Variants in PRIM2 observed in about 807,000 individuals in gnomAD.
PRIM2 encodes DNA primase large subunit.
PRIM2 carries 39 observed loss-of-function variants against 67.3 expected under a neutral mutation model. The ratio of observed to expected loss-of-function variants is 0.58; its 90% CI spans 0.45 to 0.76. The LOEUF is 0.76. Among genes scored for constraint, PRIM2 ranks in the 30% least tolerant of loss-of-function variants. PRIM2 has a pLI of 0.00. For synonymous variants in PRIM2, 143 were observed against 198.7 expected, an observed-to-expected ratio of 0.72 and a Z score of 2.36; for missense variants, 398 against 598.7, an observed-to-expected ratio of 0.66 and a Z score of 3.50.
chr6:57,632,563 A>G (rs1582029683), intron 13 of PRIM2, among the ~76,000 whole-genome samples: 1 of 152,204 alleles, frequency 6.6e-6, no homozygotes, highest in Admixed American at 6.5e-5. Flanking sequence ...CAGCTACTCA[A>G]CTCTACTGTT....
chr6:57,324,251 T>C lies in PRIM2; in HGVS notation c.309T>C (p.His103=). The C allele has an allele frequency of 1.9e-6, 3 of 1,605,680 alleles. No homozygotes were observed. The highest frequency in any genetic ancestry group is 1.7e-5 in the Admixed American group (1 of 59,226). ...YEPRRRDHIS[H]FILRLAYCQS... ...CACGAAGAAGAGATCATATTTCTCA[T>C]TTTATTTTGCGGCTTGCTTATTGCC... Residue 103 remains histidine (H), a synonymous_variant, in exon 4 of 14, where the codon CAT becomes CAC. Transcript: ENST00000615550.
the PRIM2 span, among the ~76,000 whole-genome samples, chr6:57,235,722 A>G: frequency 1.3e-5 from 2 of 152,166 alleles, no homozygotes; most frequent in Admixed American, 1.3e-4. Flanking sequence ...GGATTATCCA[A>G]GTGGGCCCAG....
intron 5 of PRIM2, among the ~76,000 whole-genome samples, chr6:57,339,162 C>G (rs930605231): frequency 2.0e-5 from 3 of 151,966 alleles, no homozygotes; most frequent in Non-Finnish European, 4.4e-5. Flanking sequence ...TGTGAAGGAC[C>G]TCTTCAAGGA....
chr6:57,513,743 G>A (rs1271810169), intron 8 of PRIM2, among the ~76,000 whole-genome samples: 16 of 152,090 alleles, frequency 1.1e-4, no homozygotes, highest in South Asian at 2.1e-4. Flanking sequence ...CTGTGGTGGC[G>A]CGCACCTGTA....
chr6:57,479,295 T>C (rs1298076682), intron 7 of PRIM2, among the ~76,000 whole-genome samples: 9 of 152,230 alleles, frequency 5.9e-5, no homozygotes, highest in African/African-American at 1.9e-4. Context: ...TCTTATATAG[T>C]AATCCATTTG....
At chr6:57,276,781 TG>T in the PRIM2 span, among the ~76,000 whole-genome samples, 1 of 151,266 alleles carries the variant, frequency 6.6e-6, no homozygotes, top group East Asian at 2.0e-4. Flanking sequence ...TGCATGTATT[TG>T]GGGGGCTCAG....
In PRIM2 at chr6:57,594,954, G is replaced by A. The variant is rs1428728922; in HGVS notation, c.1021-6139G>A. On this transcript the variant is annotated intron_variant, in intron 10 of 13. Coordinates refer to ENST00000615550, the MANE Select transcript of PRIM2 (RefSeq NM_000947.5). The stretch of plus-strand genomic sequence containing the variant: ...AGAAGGCAATCAGCATTTTTAAATG[G>A]GCAAAAGATTTGAACAGACATTTCA... Among the ~76,000 whole-genome samples the A allele has an allele frequency of 4.6e-5, 7 of 152,172 alleles. No individual in the cohort carries two copies. The East Asian group carries it at 1.2e-3, about 25-fold the overall frequency.
intron 10 of PRIM2, among the ~76,000 whole-genome samples, chr6:57,549,285 G>A (rs1775352932): frequency 6.6e-6 from 1 of 152,160 alleles, no homozygotes; most frequent in Non-Finnish European, 1.5e-5. Flanking sequence ...ACCACCATGA[G>A]GTAAATATTA....
At chr6:57,520,886 T>G (rs1774601865) in intron 8 of PRIM2, among the ~76,000 whole-genome samples, 2 of 152,200 alleles carry the variant, frequency 1.3e-5, no homozygotes, top group Non-Finnish European at 2.9e-5. Context: ...CTACCTGGTA[T>G]GGAAACCCGT....
intron 7 of PRIM2, among the ~76,000 whole-genome samples, chr6:57,417,964 A>G (rs541992043): frequency 2.0e-5 from 3 of 152,250 alleles, no homozygotes; most frequent in Non-Finnish European, 4.4e-5. Flanking sequence ...TCGCTAATCA[A>G]TTAGAGCACA....
chr6:57,421,659 A>G (rs936151363), intron 7 of PRIM2, among the ~76,000 whole-genome samples: 1 of 150,946 alleles, frequency 6.6e-6, no homozygotes, highest in Non-Finnish European at 1.5e-5. Flanking sequence ...AGTGATAGCT[A>G]TTTGCATGCT....
Position 57,532,471 on chromosome 6 carries a change from T to A in PRIM2, c.822T>A (p.Asp274Glu), listed in dbSNP as rs1298378444. 614 of 1,447,358 alleles carry A rather than the reference T, an allele frequency of 4.2e-4. 1 individual carries two copies. The African/African-American group carries it at 7.1e-3, about 17-fold the overall frequency. 89.7% of individuals were successfully genotyped at this position (1,447,358 alleles called of 1,614,324 possible). ...GAAATGTTGGGAAGATTTCTTTAGA[T>A]CAGATTGATTTGGTAAGTAGAACAT... ...TQGNVGKISL[D>E]QIDLLSTKSF... Residue 274 changes from aspartate to glutamate, a missense_variant, in exon 9 of 14, where the codon GAT becomes GAA. Asp to Glu is a conservative substitution (Grantham distance 45, BLOSUM62 2). Around this residue, in one of 4 missense-constraint regions of PRIM2, gnomAD observed 229 missense variants for 383.6 expected, o/e 0.60. Transcript: ENST00000615550.
chr6:57,633,736 C>T (rs1190797012), intron 13 of PRIM2, among the ~76,000 whole-genome samples: 2 of 152,016 alleles, frequency 1.3e-5, no homozygotes, highest in African/African-American at 4.8e-5. Flanking sequence ...CCCTTGCATG[C>T]GGGGTTCACA....
At chr6:57,283,960 T>A in the PRIM2 span, among the ~76,000 whole-genome samples, 1 of 152,164 alleles carries the variant, frequency 6.6e-6, no homozygotes, top group Non-Finnish European at 1.5e-5. Flanking sequence ...TAACTTTGCA[T>A]GACATGGTTC....
chr6:57,542,291 GGTTGTTT>G (rs1775177324), intron 10 of PRIM2, among the ~76,000 whole-genome samples: 8 of 152,160 alleles, frequency 5.3e-5, no homozygotes, highest in Non-Finnish European at 7.4e-5. Context: ...TGGTGAGCTG[GGTTGTTT>G]TGAAGTGAAA....
intron 10 of PRIM2, among the ~76,000 whole-genome samples, chr6:57,568,227 G>C (rs1453963602): frequency 2.6e-5 from 4 of 152,134 alleles, no homozygotes; most frequent in Non-Finnish European, 5.9e-5. Context: ...AATTTTCTAG[G>C]TGGATAGGTA....
chr6:57,619,650 A>G, intron 12 of PRIM2, among the ~76,000 whole-genome samples: 1 of 152,272 alleles, frequency 6.6e-6, no homozygotes, highest in South Asian at 2.1e-4. Context: ...ATAGAATTGA[A>G]CAAGTAGAAG....
chr6:57,340,670 C>T (rs1768446998), intron 5 of PRIM2, among the ~76,000 whole-genome samples: 2 of 151,922 alleles, frequency 1.3e-5, no homozygotes, highest in African/African-American at 4.8e-5. Context: ...AACACATGGA[C>T]ACAGCAAGGG....
intron 13 of PRIM2, among the ~76,000 whole-genome samples, chr6:57,643,993 T>A (rs1321653181): frequency 6.6e-6 from 1 of 152,198 alleles, no homozygotes; most frequent in African/African-American, 2.4e-5. Flanking sequence ...TTCTAGACCA[T>A]GGCAGCAACC....
Sources: allele counts gnomAD v4.1 joint callset (sites outside exome capture counted in the v4.1 genomes callset), GRCh38; gene constraint gnomAD v4.1.1; regional missense constraint gnomAD v4.1.1; transcripts MANE v1.5; gene names NCBI Gene and HGNC (gene_info 2026-07-23, HGNC 2026-07-21).